Variants in NEK11 observed in about 807,000 individuals in gnomAD.
NEK11 encodes the protein NIMA related kinase 11, also known as serine/threonine-protein kinase Nek11.
A neutral mutation model predicts 80.7 loss-of-function variants in NEK11; 72 were observed. That is an observed-to-expected ratio of 0.89 (90% CI 0.74 to 1.08). The LOEUF (loss-of-function observed/expected upper bound fraction) is 1.08. Among genes scored for constraint, NEK11 ranks in the 50% least tolerant of loss-of-function variants. The pLI is 0.00. For synonymous variants in NEK11, 251 were observed against 260.7 expected (o/e 0.96, Z 0.36); for missense variants, 764 against 763.6 (o/e 1.00, Z -0.01).
chr3:131,111,520 G>C (rs529055306), intron 5 of NEK11, among the ~76,000 whole-genome samples: 1 of 152,212 alleles, frequency 6.6e-6, no homozygotes, highest in East Asian at 1.9e-4. Context: ...CTGTTAGTAA[G>C]CTAGCCGACA....
At chr3:131,100,100 T>C (rs948810363) in intron 4 of NEK11, among the ~76,000 whole-genome samples, 3 of 152,228 alleles carry the variant, frequency 2.0e-5, no homozygotes, top group Non-Finnish European at 4.4e-5. Context: ...GAATTCTTCA[T>C]AGATGGCTCT....
chr3:131,224,232 T>C (rs2095119590), intron 14 of NEK11, among the ~76,000 whole-genome samples: 2 of 149,882 alleles, frequency 1.3e-5, no homozygotes, highest in Admixed American at 1.3e-4. Context: ...GTATTTACTA[T>C]ACTTTTTTTT....
intron 3 of NEK11, among the ~76,000 whole-genome samples, chr3:131,062,420 C>A (rs536736605): frequency 1.1e-3 from 161 of 152,314 alleles, no homozygotes; most frequent in Non-Finnish European, 1.7e-3. Flanking sequence ...TTTTAAGAAA[C>A]CAACTTTGTT....
chr3:131,211,253 A>C (rs1194285417), intron 14 of NEK11, among the ~76,000 whole-genome samples: 2 of 152,194 alleles, frequency 1.3e-5, no homozygotes, highest in Non-Finnish European at 2.9e-5. Flanking sequence ...GCTGGATATG[A>C]AATTCTAGGT....
At chr3:131,183,570 A>G (rs1453388461) in intron 14 of NEK11, among the ~76,000 whole-genome samples, 5 of 152,202 alleles carry the variant, frequency 3.3e-5, no homozygotes, top group African/African-American at 1.2e-4. Flanking sequence ...TTTGCTGAGG[A>G]TAATGGCTTC....
chr3:131,190,735 G>A (rs2093762120), intron 14 of NEK11, among the ~76,000 whole-genome samples: 1 of 152,092 alleles, frequency 6.6e-6, no homozygotes, highest in South Asian at 2.1e-4. Context: ...AGTTTAGTGG[G>A]GCATTGAATC....
intron 17 of NEK11, among the ~76,000 whole-genome samples, chr3:131,286,962 G>A (rs16836276): frequency 0.15 from 22,679 of 152,186 alleles, 2,696 homozygotes; most frequent in African/African-American, 0.32. Context: ...CAAACAGAGC[G>A]GCCAGAAGCA....
chr3:131,039,710 T>C (rs928364887), intron 3 of NEK11, among the ~76,000 whole-genome samples: 1 of 152,192 alleles, frequency 6.6e-6, no homozygotes, highest in Non-Finnish European at 1.5e-5. Flanking sequence ...ATGAGATATG[T>C]ATATGACTTA....
chr3:131,231,354 T>C (rs993644363), intron 15 of NEK11, among the ~76,000 whole-genome samples: 1 of 150,624 alleles, frequency 6.6e-6, no homozygotes, highest in Admixed American at 6.6e-5. Context: ...ATCAGACTCA[T>C]GCCTCAGGCC....
At chr3:131,054,488 C>T (rs1233533625) in intron 3 of NEK11, 2 of 152,242 alleles carry the variant, frequency 1.3e-5, no homozygotes, top group Non-Finnish European at 2.9e-5. Flanking sequence ...GGAACTATGG[C>T]TCATATCTGC....
In NEK11 at chr3:131,056,884, T is replaced by G. The variant is rs369067130; in HGVS notation, c.171-23539T>G. On this transcript the variant is annotated intron_variant, in intron 3 of 17. Transcript: ENST00000383366. Reference sequence around the variant, plus strand: ...TGGGCTTCCAGTTTTTTTTTTCTGTTGTTGTTGTTTTTATTATTATACTTT... The same window carrying G: ...TGGGCTTCCAGTTTTTTTTTTCTGTGGTTGTTGTTTTTATTATTATACTTT... 2.3e-3 allele frequency among the ~76,000 whole-genome samples: 340 copies of G among 151,084 alleles called. 1 individual carries two copies. Among genetic ancestry groups the G allele is most frequent in the African/African-American group, 7.9e-3 (322 of 40,568 alleles).
intron 17 of NEK11, among the ~76,000 whole-genome samples, chr3:131,305,371 G>T (rs1422387088): frequency 6.6e-6 from 1 of 152,028 alleles, no homozygotes. Flanking sequence ...GAAATATCCT[G>T]GTTGGGCATC....
At chr3:131,089,011 A>G (rs1044692740) in intron 4 of NEK11, among the ~76,000 whole-genome samples, 1 of 152,216 alleles carries the variant, frequency 6.6e-6, no homozygotes, top group Non-Finnish European at 1.5e-5. Flanking sequence ...ACAGAGTTTC[A>G]AAAACATGTT....
intron 3 of NEK11, among the ~76,000 whole-genome samples, chr3:131,066,145 A>G (rs1387240238): frequency 6.6e-6 from 1 of 152,194 alleles, no homozygotes; most frequent in Non-Finnish European, 1.5e-5. Context: ...GTGATCTACC[A>G]ATCAACCCTC....
chr3:131,319,236 G>A (rs1421468395), intron 17 of NEK11, among the ~76,000 whole-genome samples: 1 of 152,002 alleles, frequency 6.6e-6, no homozygotes, highest in Non-Finnish European at 1.5e-5. Flanking sequence ...AATGTGACTT[G>A]TTATTAAAAG....
chr3:131,289,836 C>G (rs1244676769), intron 17 of NEK11, among the ~76,000 whole-genome samples: 2 of 152,128 alleles, frequency 1.3e-5, no homozygotes, highest in Non-Finnish European at 2.9e-5. Flanking sequence ...ATAAGACAAA[C>G]CCAGTGCTAC....
intron 5 of NEK11, among the ~76,000 whole-genome samples, chr3:131,114,249 C>T (rs2080643492): frequency 6.6e-6 from 1 of 151,978 alleles, no homozygotes; most frequent in African/African-American, 2.4e-5. Context: ...CTTTTTAAAT[C>T]CAAAGGAATG....
chr3:131,342,618 G>C (rs1026352410), intron 17 of NEK11, among the ~76,000 whole-genome samples: 12 of 150,154 alleles, frequency 8.0e-5, no homozygotes, highest in Non-Finnish European at 1.5e-4. Context: ...CCAAGATAGA[G>C]CTACAAAATT....
intron 16 of NEK11, among the ~76,000 whole-genome samples, chr3:131,248,106 C>T (rs996881138): frequency 6.6e-6 from 1 of 151,974 alleles, no homozygotes; most frequent in Non-Finnish European, 1.5e-5. Context: ...CTTGGTTGCT[C>T]TGGGTAGGAC....
Sources: allele counts gnomAD v4.1 joint callset (sites outside exome capture counted in the v4.1 genomes callset), GRCh38; gene constraint gnomAD v4.1.1; transcripts MANE v1.5; gene names NCBI Gene and HGNC (gene_info 2026-07-23, HGNC 2026-07-21).